The following FGGY variants were observed in gnomAD, a reference collection of about 807,000 sequenced individuals.
The protein encoded by FGGY is FGGY carbohydrate kinase domain containing.
In FGGY, 72 loss-of-function variants were observed where a neutral mutation model predicts 71.3. The ratio of observed to expected loss-of-function variants is 1.01; its 90% CI spans 0.84 to 1.23. The LOEUF is 1.23. Ranked by LOEUF, FGGY falls within the 50% of genes most tolerant of loss-of-function variation. The pLI, the probability that FGGY is intolerant of heterozygous loss-of-function variation, is 0.00. For missense variants in FGGY, 668 were observed against 682.3 expected (o/e 0.98, Z 0.23); for synonymous variants, 251 against 250.3 (o/e 1.00, Z -0.02).
intron 5 of FGGY, among the ~76,000 whole-genome samples, chr1:59,451,069 A>G (rs1340390249): frequency 6.6e-6 from 1 of 151,992 alleles, no homozygotes; most frequent in African/African-American, 2.4e-5. Flanking sequence ...TTTTCTATTT[A>G]TATTACATCA....
chr1:59,685,773 T>A (rs72666278), intron 14 of FGGY, among the ~76,000 whole-genome samples: 1,880 of 152,284 alleles, frequency 0.012, 21 homozygotes, highest in Non-Finnish European at 0.018. Context: ...TATTTTTTTT[T>A]AAATGAGGTC....
chr1:59,333,903 T>TA (rs2048966062), intron 2 of FGGY, among the ~76,000 whole-genome samples: 2 of 152,134 alleles, frequency 1.3e-5, no homozygotes, highest in Non-Finnish European at 2.9e-5. Context: ...CTACCAGCAG[T>TA]CACAGATGGG....
chr1:59,359,720 C>T (rs1336367685), intron 4 of FGGY, among the ~76,000 whole-genome samples: 2 of 152,144 alleles, frequency 1.3e-5, no homozygotes, highest in African/African-American at 4.8e-5. Context: ...AGATAAACTT[C>T]AGAGTGTTTA....
At chr1:59,655,423 C>T (rs2097209274) in intron 11 of FGGY, among the ~76,000 whole-genome samples, 1 of 149,868 alleles carries the variant, frequency 6.7e-6, no homozygotes, top group Non-Finnish European at 1.5e-5. Flanking sequence ...TGCTCTCCCT[C>T]CCCTCCACCC....
chr1:59,405,063 A>G (rs2062539579), intron 5 of FGGY, among the ~76,000 whole-genome samples: 1 of 152,238 alleles, frequency 6.6e-6, no homozygotes, highest in South Asian at 2.1e-4. Context: ...TGTTAAGCAA[A>G]AGGATATAAT....
chr1:59,495,413 A>G (rs1378604801), intron 6 of FGGY, among the ~76,000 whole-genome samples: 1 of 152,202 alleles, frequency 6.6e-6, no homozygotes, highest in East Asian at 1.9e-4. Context: ...GCCAGAGCCT[A>G]TGTCTAGAAT....
At chr1:59,522,719 G>A (rs190339723) in intron 7 of FGGY, among the ~76,000 whole-genome samples, 2 of 152,136 alleles carry the variant, frequency 1.3e-5, no homozygotes, top group South Asian at 2.1e-4. Context: ...TACCTCCCAC[G>A]AATGGTTGGG....
chr1:59,522,498 A>C (rs1390168063), intron 7 of FGGY, among the ~76,000 whole-genome samples: 1 of 152,178 alleles, frequency 6.6e-6, no homozygotes, highest in East Asian at 1.9e-4. Flanking sequence ...AATCATGGGG[A>C]ATAAGGCCAG....
chr1:59,759,473 T>C (rs749065763), intron 15 of FGGY, among the ~76,000 whole-genome samples: 1 of 152,170 alleles, frequency 6.6e-6, no homozygotes, highest in South Asian at 2.1e-4. Context: ...ATTAGAAAGA[T>C]TGTCTTTCTC....
intron 5 of FGGY, among the ~76,000 whole-genome samples, chr1:59,447,328 G>T (rs999406749): frequency 8.6e-5 from 13 of 151,664 alleles, no homozygotes; most frequent in Non-Finnish European, 1.3e-4. Flanking sequence ...TCTTTTTTCT[G>T]GTCAGATTCC....
intron 14 of FGGY, among the ~76,000 whole-genome samples, chr1:59,708,042 A>G (rs1194867472): frequency 6.6e-6 from 1 of 152,182 alleles, no homozygotes; most frequent in Non-Finnish European, 1.5e-5. Context: ...TAACTGTCCT[A>G]AGGTTATATA....
intron 8 of FGGY, among the ~76,000 whole-genome samples, chr1:59,596,780 C>T (rs1036905414): frequency 1.6e-4 from 25 of 152,104 alleles, no homozygotes; most frequent in Non-Finnish European, 2.1e-4. Context: ...TTCTGCCTGC[C>T]GCAGATGTGC....
intron 5 of FGGY, among the ~76,000 whole-genome samples, chr1:59,429,200 C>T (rs2153456974): frequency 6.6e-6 from 1 of 150,728 alleles, no homozygotes; most frequent in South Asian, 2.1e-4. Flanking sequence ...TGACGTTTAG[C>T]AAAGTAAATC....
intron 5 of FGGY, among the ~76,000 whole-genome samples, chr1:59,388,484 C>T (rs774961195): frequency 3.9e-5 from 6 of 152,118 alleles, no homozygotes; most frequent in Non-Finnish European, 8.8e-5. Flanking sequence ...GTGGAAGTCT[C>T]ATTCTCCCCA....
At chr1:59,382,659 C>A (rs1157804160) in intron 5 of FGGY, among the ~76,000 whole-genome samples, 1 of 152,104 alleles carries the variant, frequency 6.6e-6, no homozygotes, top group Admixed American at 6.6e-5. Context: ...CATCATTGTA[C>A]ATCCGTGAAA....
At chr1:59,697,728 C>T (rs1353912617) in intron 14 of FGGY, 2 of 1,297,426 alleles carry the variant, frequency 1.5e-6, no homozygotes, top group East Asian at 1.1e-4. Flanking sequence ...TCTCTTCTTC[C>T]AGTCTTTTGC....
At chr1:59,352,652 T>A (rs2053532873) in intron 4 of FGGY, among the ~76,000 whole-genome samples, 1 of 152,186 alleles carries the variant, frequency 6.6e-6, no homozygotes, top group Non-Finnish European at 1.5e-5. Flanking sequence ...TCCTGCTAGC[T>A]GTGGAAGCTG....
chr1:59,488,958 G>A (rs575081092), intron 6 of FGGY, among the ~76,000 whole-genome samples: 1 of 151,846 alleles, frequency 6.6e-6, no homozygotes, highest in African/African-American at 2.4e-5. Flanking sequence ...TGTCCTTTCT[G>A]TTTTAATTTC....
intron 7 of FGGY, among the ~76,000 whole-genome samples, chr1:59,525,232 G>T (rs890514890): frequency 2.6e-5 from 4 of 152,212 alleles, no homozygotes; most frequent in Admixed American, 6.5e-5. Flanking sequence ...CTCTGCACTT[G>T]CTCACCCACA....
Sources: gnomAD v4.1 joint callset for allele counts (sites outside exome capture counted in the v4.1 genomes callset) on GRCh38, gnomAD v4.1.1 for gene constraint, MANE v1.5 for transcripts, NCBI Gene and HGNC (gene_info 2026-07-23, HGNC 2026-07-21) for gene names.